MTF2: variants seen among roughly 807,000 people sequenced by gnomAD.
MTF2 encodes metal response element binding transcription factor 2, also known as metal-response element-binding transcription factor 2.
A neutral mutation model predicts 79.5 loss-of-function variants in MTF2; 11 were observed. The observed-to-expected ratio is 0.14, with a 90% CI of 0.09 to 0.23. The LOEUF is 0.23. Ranked by LOEUF, MTF2 falls within the 10% of genes least tolerant of loss-of-function variation. The probability of loss-of-function intolerance (pLI) is 1.00; values close to 1 mark genes in which losing one functional copy is unlikely to be tolerated. For synonymous variants in MTF2, 208 were observed against 232.8 expected (o/e 0.89, Z 0.97); for missense variants, 486 against 711.2 (o/e 0.68, Z 3.60).
chr1:93,080,053 AAGGAT>A (rs1018119109), intron 1 of MTF2, among the ~76,000 whole-genome samples: 1 of 152,028 alleles, frequency 6.6e-6, no homozygotes, highest in Non-Finnish European at 1.5e-5. Flanking sequence ...AAGTGCTGGT[AAGGAT>A]AAGGGGAACA....
intron 1 of MTF2, among the ~76,000 whole-genome samples, chr1:93,096,150 A>T (rs748403092): frequency 6.6e-6 from 1 of 152,158 alleles, no homozygotes; most frequent in Non-Finnish European, 1.5e-5. Context: ...ATCTTCATAT[A>T]TTGTGATTTA....
intron 1 of MTF2, among the ~76,000 whole-genome samples, chr1:93,092,947 C>G (rs1427385874): frequency 2.6e-5 from 4 of 152,056 alleles, no homozygotes; most frequent in Non-Finnish European, 5.9e-5. Context: ...CTTTGGGAGG[C>G]CAAGGCGGGC....
chr1:93,088,721 G>A (rs986963201), intron 1 of MTF2, among the ~76,000 whole-genome samples: 1 of 151,974 alleles, frequency 6.6e-6, no homozygotes, highest in African/African-American at 2.4e-5. Context: ...GTGTGCCAAC[G>A]TGCCTGGCTA....
chr1:93,127,170 C>T, intron 9 of MTF2, 62 bp from the exon 10 acceptor site: 1 of 1,132,902 alleles, frequency 8.8e-7, no homozygotes, highest in East Asian at 2.4e-5. Flanking sequence ...CTCTATCTAG[C>T]ACCTGTATAT....
At chr1:93,098,510 C>T (rs1322830327) in intron 1 of MTF2, among the ~76,000 whole-genome samples, 1 of 152,142 alleles carries the variant, frequency 6.6e-6, no homozygotes, top group East Asian at 1.9e-4. Flanking sequence ...ATGACCAGAG[C>T]CATTGAGTTT....
intron 1 of MTF2, among the ~76,000 whole-genome samples, chr1:93,094,156 G>A (rs1655186973): frequency 6.6e-6 from 1 of 152,032 alleles, no homozygotes; most frequent in Non-Finnish European, 1.5e-5. Flanking sequence ...TCAGTACTGG[G>A]ATGTTTTCTT....
chr1:93,092,830 T>G (rs1429317870), intron 1 of MTF2, among the ~76,000 whole-genome samples: 1 of 152,194 alleles, frequency 6.6e-6, no homozygotes, highest in Admixed American at 6.5e-5. Context: ...TGTTTACATA[T>G]GAAGAACCAC....
At chr1:93,081,513 G>T (rs1654605881) in intron 1 of MTF2, among the ~76,000 whole-genome samples, 2 of 152,190 alleles carry the variant, frequency 1.3e-5, no homozygotes, top group African/African-American at 4.8e-5. Context: ...GTTTTAGTTA[G>T]TCGACACTTC....
In MTF2 at chr1:93,129,180, TTCAAGTATAA is replaced by T. The variant is rs1295658074; in HGVS notation, c.990-97_990-88del. The stretch of plus-strand genomic sequence containing the variant: ...GAATTTTTGTAGTATTGGGTGGGCT[TTCAAGTATAA>T]GGGCCTTATATATGAAAGTTAAGTT... On this transcript the variant is annotated intron_variant, in intron 10 of 14. Transcript: ENST00000370298. 5.0e-6 allele frequency: 4 copies of T among 805,666 alleles called. No individual in the cohort carries two copies. In the South Asian group the frequency reaches 1.5e-4, roughly 30 times the overall value. 49.9% of individuals were successfully genotyped at this position (805,666 alleles called of 1,614,324 possible).
intron 9 of MTF2, chr1:93,121,221 G>A (rs1228433155): frequency 3.1e-6 from 3 of 966,110 alleles, no homozygotes; most frequent in South Asian, 4.8e-5. Context: ...AACTACCTAT[G>A]CTGGTTTACA....
At chr1:93,125,246 G>A (rs564899360) in intron 9 of MTF2, among the ~76,000 whole-genome samples, 1 of 150,878 alleles carries the variant, frequency 6.6e-6, no homozygotes, top group East Asian at 1.9e-4. Flanking sequence ...ATTAGAATAA[G>A]TCATGTATAC....
chr1:93,088,850 G>A (rs751750819), intron 1 of MTF2, among the ~76,000 whole-genome samples: 1 of 152,018 alleles, frequency 6.6e-6, no homozygotes, highest in Non-Finnish European at 1.5e-5. Context: ...GGGATTACAG[G>A]CATGAACCAC....
At chr1:93,118,301 TAAGACAGG>T (rs1239239736) in intron 6 of MTF2, 36 bp from the exon 7 acceptor site, 1 of 1,282,606 alleles carries the variant, frequency 7.8e-7, no homozygotes, top group African/African-American at 1.6e-5. Flanking sequence ...ACCTTTCCCT[TAAGACAGG>T]AATTTTAGTG....
At position 93,136,711 on chromosome 1, in the gene MTF2, G is replaced by C. The variant is rs927209944; in HGVS notation, c.1466G>C (p.Trp489Ser). The C allele has an allele frequency of 2.5e-6, 4 of 1,614,118 alleles. No individual in the cohort carries two copies. The highest frequency in any genetic ancestry group is 3.4e-6 in the Non-Finnish European group (4 of 1,180,014). ...AAAAGAACGCGTACAGGAAGATCTTGGCCTGCTGCAATACCACATTTGCGG... is the reference window on the plus strand; with the variant it reads ...AAAAGAACGCGTACAGGAAGATCTTCGCCTGCTGCAATACCACATTTGCGG... ...SRKRTRTGRS[W>S]PAAIPHLRRR... is the part of the protein sequence containing the mutation. The change falls in exon 15 of 15, where the codon TGG (tryptophan) becomes TCG (serine). Residue 489 changes from tryptophan to serine, a missense_variant. Trp to Ser is a radical substitution (Grantham distance 177). This residue lies in a region of MTF2 where 209 missense variants were observed against 206.5 expected (regional missense o/e 1.01). Coordinates refer to ENST00000370298, the MANE Select transcript of MTF2 (RefSeq NM_007358.4).
chr1:93,105,566 T>A (rs1351593244), intron 1 of MTF2, among the ~76,000 whole-genome samples: 1 of 152,220 alleles, frequency 6.6e-6, no homozygotes, highest in Non-Finnish European at 1.5e-5. Flanking sequence ...AAAGCAGTGA[T>A]CTGAGTATTA....
chr1:93,107,596 A>G (rs1284830936), intron 1 of MTF2, among the ~76,000 whole-genome samples: 1 of 152,226 alleles, frequency 6.6e-6, no homozygotes, highest in Non-Finnish European at 1.5e-5. Context: ...TGCCAGCTGA[A>G]CTAGCAGCTT....
At chr1:93,134,448 A>G in intron 14 of MTF2, 1 of 408,546 alleles carries the variant, frequency 2.4e-6, no homozygotes, top group Non-Finnish European at 4.3e-6. Context: ...AAAGTATACC[A>G]TTGTTTAGAA....
intron 1 of MTF2, among the ~76,000 whole-genome samples, chr1:93,087,797 T>C (rs1654909385): frequency 6.6e-6 from 1 of 152,192 alleles, no homozygotes; most frequent in Non-Finnish European, 1.5e-5. Context: ...GGGTTTACCA[T>C]AGTAGAGCCA....
chr1:93,134,002 C>G (rs1340155355), intron 13 of MTF2, 22 bp downstream of exon 13: 1 of 1,561,238 alleles, frequency 6.4e-7, no homozygotes, highest in Non-Finnish European at 8.8e-7. Context: ...GTTATTTTCT[C>G]CCTTTCTAGG....
Sources: gnomAD v4.1 joint callset for allele counts (sites outside exome capture counted in the v4.1 genomes callset) on GRCh38, gnomAD v4.1.1 for gene constraint, gnomAD v4.1.1 regional missense constraint, MANE v1.5 for transcripts, NCBI Gene and HGNC (gene_info 2026-07-23, HGNC 2026-07-21) for gene names.